Variants in DNAH14 observed in about 807,000 individuals in gnomAD.
The protein encoded by DNAH14 is axonemal beta dynein heavy chain 14.
A neutral mutation model predicts 520.9 loss-of-function variants in DNAH14; 478 were observed. That is an observed-to-expected ratio of 0.92 (90% CI 0.85 to 0.99). The LOEUF is 0.99. Among genes scored for constraint, DNAH14 ranks in the 50% least tolerant of loss-of-function variants. The pLI is 0.00. For synonymous variants in DNAH14, 1,581 were observed against 1,757.2 expected (o/e 0.90, Z 2.51); for missense variants, 4,831 against 5,234.5 (o/e 0.92, Z 2.38).
At position 225,399,190 on chromosome 1, in the gene DNAH14, T is replaced by C; in HGVS notation, c.13775T>C (p.Val4592Ala). The C allele has an allele frequency of 6.4e-7, 1 of 1,551,754 alleles. No homozygotes were observed. Among genetic ancestry groups the C allele is most frequent in the African/African-American group, 1.4e-5 (1 of 73,170 alleles). The change falls in exon 86 of 86, where the codon GTG (valine) becomes GCG (alanine). Residue 4592 changes from valine (V) to alanine (A), a missense_variant. By Grantham distance (64) the Val-to-Ala change is moderately conservative. Coordinates refer to ENST00000682510, the MANE Select transcript of DNAH14 (RefSeq NM_001367479.1). ...TTACCAACAAACTTTTTAACATCAG[T>C]GTATTTATCAACGAAGAAACCTCCT... ...TGLPTNFLTS[V>A]YLSTKKPPSH...
At chr1:225,201,336 C>G (rs2086796165) in intron 38 of DNAH14, among the ~76,000 whole-genome samples, 1 of 152,124 alleles carries the variant, frequency 6.6e-6, no homozygotes, top group Non-Finnish European at 1.5e-5. Context: ...ATTAGCTAAA[C>G]AACTAACCTT....
At chr1:225,367,654 A>G in intron 76 of DNAH14, 151 bp from the exon 77 acceptor site, 1 of 620,818 alleles carries the variant, frequency 1.6e-6, no homozygotes, top group Non-Finnish European at 2.8e-6. Flanking sequence ...ATGGCAAAAG[A>G]ATAACATGAG....
chr1:225,392,696 C>T (rs1225553367), intron 84 of DNAH14, among the ~76,000 whole-genome samples: 1 of 152,216 alleles, frequency 6.6e-6, no homozygotes, highest in Non-Finnish European at 1.5e-5. Flanking sequence ...AATCAACAGA[C>T]TTTCTAAGTA....
At chr1:225,190,721 C>G (rs1379973973) in intron 37 of DNAH14, among the ~76,000 whole-genome samples, 2 of 151,882 alleles carry the variant, frequency 1.3e-5, no homozygotes, top group African/African-American at 2.4e-5. Flanking sequence ...GAGAAAAGAC[C>G]ACATGAAGAC....
At chr1:225,128,103 T>C (rs188042356) in intron 27 of DNAH14, among the ~76,000 whole-genome samples, 4 of 152,322 alleles carry the variant, frequency 2.6e-5, no homozygotes, top group Admixed American at 2.0e-4. Flanking sequence ...GGCTTCCCTT[T>C]GTGGGTAACC....
chr1:225,270,941 C>A, intron 50 of DNAH14, 75 bp downstream of exon 50: 1 of 1,390,816 alleles, frequency 7.2e-7, no homozygotes, highest in South Asian at 1.4e-5. Context: ...AACTTAAATC[C>A]ACTAATATTG....
At chr1:225,092,308 A>T (rs1325584120) in intron 21 of DNAH14, among the ~76,000 whole-genome samples, 1 of 151,994 alleles carries the variant, frequency 6.6e-6, no homozygotes, top group Non-Finnish European at 1.5e-5. Flanking sequence ...AGCAAATTTA[A>T]AATAGTTAAA....
intron 9 of DNAH14, among the ~76,000 whole-genome samples, chr1:225,003,333 C>G (rs1230331418): frequency 6.6e-6 from 1 of 151,932 alleles, no homozygotes; most frequent in Non-Finnish European, 1.5e-5. Flanking sequence ...AAAAAGTGAG[C>G]CTGTTAATGG....
chr1:225,395,314 C>T (rs1329824618), intron 84 of DNAH14, among the ~76,000 whole-genome samples: 1 of 152,114 alleles, frequency 6.6e-6, no homozygotes, highest in African/African-American at 2.4e-5. Flanking sequence ...TAGGATTAGG[C>T]CGGGCGCGGT....
intron 35 of DNAH14, 123 bp downstream of exon 35, chr1:225,159,608 G>C (rs928861796): frequency 4.6e-6 from 5 of 1,076,404 alleles, no homozygotes; most frequent in Non-Finnish European, 3.8e-6. Context: ...TAATTGAGGG[G>C]ATAAAAATAC....
chr1:225,351,371 A>G (rs1037218888), intron 71 of DNAH14, among the ~76,000 whole-genome samples: 11 of 152,212 alleles, frequency 7.2e-5, no homozygotes, highest in African/African-American at 2.7e-4. Context: ...ATCCTGGGTG[A>G]CAGAATGAGA....
intron 42 of DNAH14, among the ~76,000 whole-genome samples, 199 bp from the exon 43 acceptor site, chr1:225,240,393 TA>T (rs1032222104): frequency 1.3e-4 from 19 of 151,568 alleles, no homozygotes; most frequent in African/African-American, 4.1e-4. Context: ...TATGGTACTT[TA>T]AAAAAATAGT....
chr1:225,282,637 G>A (rs2093651838), intron 54 of DNAH14, among the ~76,000 whole-genome samples: 1 of 152,144 alleles, frequency 6.6e-6, no homozygotes, highest in Admixed American at 6.5e-5. Flanking sequence ...ATTACATAAG[G>A]GAATCTCAGG....
At chr1:224,980,407 G>A (rs906224662) in intron 8 of DNAH14, among the ~76,000 whole-genome samples, 2 of 152,138 alleles carry the variant, frequency 1.3e-5, no homozygotes, top group African/African-American at 4.8e-5. Context: ...TGTGGAGAGA[G>A]GAAGGAAGAA....
chr1:225,266,904 G>T, intron 49 of DNAH14, 135 bp downstream of exon 49: 1 of 708,772 alleles, frequency 1.4e-6, no homozygotes, highest in Non-Finnish European at 2.2e-6. Flanking sequence ...GCAAAGTTGA[G>T]ACCCTAAACT....
At chr1:224,944,437 C>A (rs1428690889) in intron 1 of DNAH14, among the ~76,000 whole-genome samples, 2 of 152,154 alleles carry the variant, frequency 1.3e-5, no homozygotes, top group Non-Finnish European at 2.9e-5. Flanking sequence ...GGTCTTGACT[C>A]TTTATCCAGC....
In DNAH14 at chr1:225,082,553, A is replaced by C. The variant is rs913878045; in HGVS notation, c.3141A>C (p.Leu1047Phe). Residue 1047 changes from leucine to phenylalanine, a missense_variant, in exon 20 of 86, where the codon TTA (leucine) becomes TTC (phenylalanine). By Grantham distance (22) the Leu-to-Phe change is conservative. Coordinates refer to ENST00000682510, the MANE Select transcript of DNAH14 (RefSeq NM_001367479.1). ...CTGACCCATTGTTATTTATAGGTTTACCTAAAAGCGATATGGTAACACATC... is the reference window on the plus strand; with the variant it reads ...CTGACCCATTGTTATTTATAGGTTTCCCTAAAAGCGATATGGTAACACATC... ...MHIISVLEKG[L>F]PKSDMVTHLK... 1.9e-6 allele frequency: 3 copies of C among 1,546,356 alleles called. No individual in the cohort carries two copies. In the African/African-American group the frequency reaches 4.1e-5, roughly 21 times the overall value.
At position 225,159,273 on chromosome 1, in the gene DNAH14, CCTAATTTGTTCTCTGTGTTTGTTTTCTT is replaced by C. The variant is rs1559134880; in HGVS notation, c.5274-37_5274-10del. 1 of 1,503,878 alleles carries C rather than the reference CCTAATTTGTTCTCTGTGTTTGTTTTCTT, an allele frequency of 6.6e-7. No homozygotes were observed. 93.2% of individuals were successfully genotyped at this position (1,503,878 alleles called of 1,614,324 possible). On this transcript the variant is annotated splice_polypyrimidine_tract_variant and intron_variant, in intron 34 of 85. Coordinates refer to ENST00000682510, the MANE Select transcript of DNAH14 (RefSeq NM_001367479.1). ...TCTTCAGTGTCTGCAGAGCAGACTC[CCTAATTTGTTCTCTGTGTTTGTTTTCTT>C]CTACCATTGAAGTGATACCAGTGAC... is the stretch of plus-strand genomic sequence containing the variant.
At chr1:225,069,494 G>A (rs911839852) in intron 17 of DNAH14, among the ~76,000 whole-genome samples, 2 of 152,166 alleles carry the variant, frequency 1.3e-5, no homozygotes, top group African/African-American at 4.8e-5. Context: ...CTGTTTATGT[G>A]ATGAGTCACA....
Sources: allele counts gnomAD v4.1 joint callset (sites outside exome capture counted in the v4.1 genomes callset), GRCh38; gene constraint gnomAD v4.1.1; transcripts MANE v1.5; gene names NCBI Gene and HGNC (gene_info 2026-07-23, HGNC 2026-07-21).